The following CTNND1 variants were observed in gnomAD, a reference collection of about 807,000 sequenced individuals.
CTNND1 encodes the protein catenin delta-1.
A neutral mutation model predicts 112.1 loss-of-function variants in CTNND1; 16 were observed. The observed-to-expected ratio is 0.14, with a 90% CI of 0.10 to 0.22. The LOEUF is 0.22. Ranked by LOEUF, CTNND1 falls within the 10% of genes least tolerant of loss-of-function variation. The pLI is 1.00. For synonymous variants in CTNND1, 420 were observed against 446.5 expected, an observed-to-expected ratio of 0.94 and a Z score of 0.75; for missense variants, 1,008 against 1,257.0, an observed-to-expected ratio of 0.80 and a Z score of 3.00.
intron 1 of CTNND1, chr11:57,764,201 G>A (rs1196076925): frequency 6.6e-6 from 1 of 152,070 alleles, no homozygotes; most frequent in Non-Finnish European, 1.5e-5. Context: ...TCTTTGTTAT[G>A]TGAGTAAGGT....
At chr11:57,803,059 T>C (rs1258035474) in intron 7 of CTNND1, among the ~76,000 whole-genome samples, 1 of 152,188 alleles carries the variant, frequency 6.6e-6, no homozygotes, top group East Asian at 1.9e-4. Context: ...GTGCTGAGGT[T>C]GAAAAACTCT....
rs2060371183 is a variant in CTNND1, at chr11:57,788,581, C to T, written c.-213-456C>T. Among the ~76,000 whole-genome samples, 1 of 152,136 alleles carries T rather than the reference C, an allele frequency of 6.6e-6. No individual in the cohort carries two copies. The highest frequency in any genetic ancestry group is 2.1e-4 in the South Asian group (1 of 4,828). ...AGCAAAAGGCTCAGCCTAGGCTAGTCCCCACATGTCTTCCCCACACAACTT... is the reference window on the plus strand; with the variant it reads ...AGCAAAAGGCTCAGCCTAGGCTAGTTCCCACATGTCTTCCCCACACAACTT... On this transcript the variant is annotated intron_variant, in intron 1 of 20. Transcript: ENST00000399050. This position sits in a 1 kb window ranked among gnomAD's most constrained non-coding sequence, Gnocchi z 4.1.
At position 57,802,012 on chromosome 11, in the gene CTNND1, A is replaced by T; in HGVS notation, c.1236A>T (p.Val412=). 1 of 1,614,028 alleles carries T rather than the reference A, an allele frequency of 6.2e-7. No individual in the cohort carries two copies. Among genetic ancestry groups the T allele is most frequent in the Non-Finnish European group, 8.5e-7 (1 of 1,179,892 alleles). Residue 412 remains valine (V), a synonymous_variant, in exon 7 of 21, where the codon GTA becomes GTT. Coordinates refer to ENST00000399050, the MANE Select transcript of CTNND1 (RefSeq NM_001085458.2). ...TDVRKLKGIP[V]LVGLLDHPKK... ...TGCGGAAGCTCAAGGGCATCCCAGT[A>T]CTGGTGGGATTGTTAGACCATCCCA...
In CTNND1 at chr11:57,816,453, T is replaced by G. The variant is rs2064000440; in HGVS notation, c.*145T>G. 2 of 940,944 alleles carry G rather than the reference T, an allele frequency of 2.1e-6. No homozygotes were observed. Among genetic ancestry groups the G allele is most frequent in the Non-Finnish European group, 3.3e-6 (2 of 600,312 alleles). The allele number at this position is 940,944 out of a possible 1,614,324, so 58.3% of individuals were successfully genotyped here. The stretch of plus-strand genomic sequence containing the variant: ...CCCTTACAGCCCTAAGTGGCTGCCT[T>G]CTTTCCATCAACTCCCAACTTCTTC... On this transcript the variant is annotated 3_prime_UTR_variant, in exon 21 of 21. Transcript: ENST00000399050.
chr11:57,766,742 T>C (rs1033143013), intron 1 of CTNND1, among the ~76,000 whole-genome samples: 3 of 152,184 alleles, frequency 2.0e-5, no homozygotes, highest in Admixed American at 2.0e-4. Context: ...AATTGTTTAA[T>C]GTATTTTTCG....
At chr11:57,811,367 T>A in intron 16 of CTNND1, 32 bp from the exon 17 acceptor site, 1 of 1,540,122 alleles carries the variant, frequency 6.5e-7, no homozygotes, top group African/African-American at 1.4e-5. Flanking sequence ...TTCAGTATTC[T>A]GTCACATTGT....
rs2063062390 is a variant in CTNND1, at chr11:57,809,270, C to G, written c.2243-4C>G. On this transcript the variant is annotated splice_region_variant and splice_polypyrimidine_tract_variant and intron_variant, in intron 14 of 20. Coordinates refer to ENST00000399050, the MANE Select transcript of CTNND1 (RefSeq NM_001085458.2). Reference sequence around the variant, plus strand: ...TTCTCCCTGCATACATTCTTTCTTACTAGGTAAACATGCTATTCCTAACTT... The same window carrying G: ...TTCTCCCTGCATACATTCTTTCTTAGTAGGTAAACATGCTATTCCTAACTT... The G allele has an allele frequency of 6.2e-7, 1 of 1,609,042 alleles. No individual in the cohort carries two copies. The highest frequency in any genetic ancestry group is 8.5e-7 in the Non-Finnish European group (1 of 1,176,000).
intron 1 of CTNND1, chr11:57,763,762 T>C (rs772756678): frequency 6.6e-6 from 1 of 152,156 alleles, no homozygotes; most frequent in African/African-American, 2.4e-5. Context: ...GCTTCCAGAG[T>C]GTCTGTTTCC....
Position 57,801,985 on chromosome 11 carries a change from C to T in CTNND1, c.1209C>T (p.Asp403=), listed in dbSNP as rs541781874. ...ACCGCAATGACAAGGTGAAGACTGA[C>T]GTGCGGAAGCTCAAGGGCATCCCAG... The part of the protein sequence containing the change: ...LCYRNDKVKT[D]VRKLKGIPVL... Residue 403 remains aspartate (D), a synonymous_variant, in exon 7 of 21, where the codon GAC becomes GAT. Coordinates refer to ENST00000399050, the MANE Select transcript of CTNND1 (RefSeq NM_001085458.2). 136 of 1,614,006 alleles carry T rather than the reference C, an allele frequency of 8.4e-5. No homozygotes were observed. The highest frequency in any genetic ancestry group is 1.8e-4 in the South Asian group (16 of 91,084).
intron 16 of CTNND1, 150 bp downstream of exon 16, chr11:57,810,373 G>A: frequency 1.0e-5 from 5 of 482,774 alleles, no homozygotes; most frequent in Non-Finnish European, 1.7e-5. Context: ...CTGTTGCCCA[G>A]GCTAGAGTGA....
chr11:57,762,043 T>C lies in CTNND1; in HGVS notation c.-290T>C. ...GGACTGATTTTTAGAACTCCACATT[T>C]GAGGTGTGTGGCTTTTGAAGAAAAT... is the stretch of plus-strand genomic sequence containing the variant. On this transcript the variant is annotated 5_prime_UTR_variant, in exon 1 of 21. Transcript: ENST00000399050. 1 of 985,416 alleles carries C rather than the reference T, an allele frequency of 1.0e-6. No homozygotes were observed. Among genetic ancestry groups the C allele is most frequent in the Non-Finnish European group, 1.2e-6 (1 of 829,928 alleles). 61.0% of individuals were successfully genotyped at this position (985,416 alleles called of 1,614,324 possible). A position where few individuals can be genotyped will look rare whatever the true frequency, so the allele number is the denominator to read the frequency against.
chr11:57,782,455 T>G (rs1170723208), intron 1 of CTNND1, among the ~76,000 whole-genome samples: 1 of 152,212 alleles, frequency 6.6e-6, no homozygotes, highest in Admixed American at 6.5e-5. Context: ...TGAGCCACAG[T>G]AGGCTCAGAG....
chr11:57,780,964 GT>G (rs1377392700), intron 1 of CTNND1, among the ~76,000 whole-genome samples: 2 of 152,144 alleles, frequency 1.3e-5, no homozygotes, highest in African/African-American at 2.4e-5. Context: ...TCAAGATGGA[GT>G]TTCACTCTTA....
chr11:57,800,011 G>T (rs1177501674), intron 6 of CTNND1, among the ~76,000 whole-genome samples: 4 of 100,076 alleles, frequency 4.0e-5, no homozygotes, highest in Admixed American at 1.3e-4. Flanking sequence ...TTTTTGAGAT[G>T]GAGTCTTGCT....
intron 4 of CTNND1, 125 bp from the exon 5 acceptor site, chr11:57,795,452 T>C: frequency 1.0e-6 from 1 of 989,698 alleles, no homozygotes; most frequent in Non-Finnish European, 1.5e-6. Flanking sequence ...CTAAAAATCC[T>C]GAGGCCTATA....
In CTNND1 at chr11:57,788,031, A is replaced by C. The variant is rs979791554; in HGVS notation, c.-213-1006A>C. Reference sequence around the variant, plus strand: ...CGTGGTAGCAGTAATTTGGGCTTTTATTAGCAAAGAAGATTATAGGGTGGA... The same window carrying C: ...CGTGGTAGCAGTAATTTGGGCTTTTCTTAGCAAAGAAGATTATAGGGTGGA... On this transcript the variant is annotated intron_variant, in intron 1 of 20. Coordinates refer to ENST00000399050, the MANE Select transcript of CTNND1 (RefSeq NM_001085458.2). The surrounding 1 kb of genome is among the most constrained non-coding windows in gnomAD (Gnocchi z 4.1). Among the ~76,000 whole-genome samples the C allele has an allele frequency of 6.6e-5, 10 of 152,200 alleles. No individual in the cohort carries two copies. The highest frequency in any genetic ancestry group is 2.4e-4 in the African/African-American group (10 of 41,448).
chr11:57,809,592 T>TTC, intron 15 of CTNND1, 126 bp downstream of exon 15: 5 of 781,388 alleles, frequency 6.4e-6, no homozygotes, highest in Non-Finnish European at 1.0e-5. Context: ...GCTATTGCTC[T>TTC]ATTATCTGTC....
At position 57,804,672 on chromosome 11, in the gene CTNND1, C is replaced by T. The variant is rs1254781268; in HGVS notation, c.1614C>T (p.Ser538=). Residue 538 remains serine (S), a synonymous_variant, in exon 9 of 21, where the codon AGC becomes AGT. Transcript: ENST00000399050. ...TCTGGTTTCCCCTCAGGAATGTAAG[C>T]TCAGAGAGGAGTGAAGCTCGCCGGA... ...TNTAGCLRNV[S]SERSEARRKL... The T allele has an allele frequency of 1.2e-6, 2 of 1,613,472 alleles. No individual in the cohort carries two copies. The highest frequency in any genetic ancestry group is 4.5e-5 in the East Asian group (2 of 44,872).
rs2064036187 is a variant in CTNND1, at chr11:57,817,303, C to G, written c.*995C>G. On this transcript the variant is annotated 3_prime_UTR_variant, in exon 21 of 21. Transcript: ENST00000399050. ...CCTCTGCCCTGGATTGGTTGGCAAACTAAAGGACTTGATGTACATAACTCC... is the reference window on the plus strand; with the variant it reads ...CCTCTGCCCTGGATTGGTTGGCAAAGTAAAGGACTTGATGTACATAACTCC... The G allele has an allele frequency of 6.5e-6, 1 of 152,720 alleles. No homozygotes were observed. The highest frequency in any genetic ancestry group is 1.5e-5 in the Non-Finnish European group (1 of 68,134). 9.5% of individuals were successfully genotyped at this position (152,720 alleles called of 1,614,324 possible).
Sources: allele counts gnomAD v4.1 joint callset (sites outside exome capture counted in the v4.1 genomes callset), GRCh38; gene constraint gnomAD v4.1.1; non-coding constraint Gnocchi (gnomAD v3.1); transcripts MANE v1.5; gene names NCBI Gene and HGNC (gene_info 2026-07-23, HGNC 2026-07-21).